Variants in ANK3 observed in about 807,000 individuals in gnomAD.
The protein encoded by ANK3 is ankyrin 3.
A neutral mutation model predicts 370.9 loss-of-function variants in ANK3; 57 were observed. The observed-to-expected ratio is 0.15, with a 90% confidence interval of 0.12 to 0.19. The LOEUF (loss-of-function observed/expected upper bound fraction) is 0.19. ANK3 is among the 10% of genes least tolerant of loss of function. The pLI is 1.00. For missense variants in ANK3, 4,439 were observed against 5,302.1 expected, an observed-to-expected ratio of 0.84 and a Z score of 5.06; for synonymous variants, 1,929 against 1,946.3, an observed-to-expected ratio of 0.99 and a Z score of 0.23.
chr10:60,315,364 G>A (rs1566514969), intron 1 of ANK3, among the ~76,000 whole-genome samples: 1 of 152,100 alleles, frequency 6.6e-6, no homozygotes. Context: ...TCACTGAGGT[G>A]TGCAAATGAA....
In ANK3 at chr10:60,340,658, C is replaced by T. The variant is rs528252120; in HGVS notation, c.114+48767G>A. On this transcript the variant is annotated intron_variant, in intron 1 of 43. Transcript: ENST00000280772. ...AACTCCTGGGCTCAAGCAATCCTCCCTCCTCAGCCTCCCAAAATGTTGGAA... is the reference window on the plus strand; with the variant it reads ...AACTCCTGGGCTCAAGCAATCCTCCTTCCTCAGCCTCCCAAAATGTTGGAA... Among the ~76,000 whole-genome samples, 15 of 152,182 alleles carry T rather than the reference C, an allele frequency of 9.9e-5. No homozygotes were observed. The East Asian group carries it at 2.1e-3, about 22-fold the overall frequency.
upstream of ANK3, among the ~76,000 whole-genome samples, chr10:60,391,549 C>T (rs535340844): frequency 1.9e-4 from 29 of 152,276 alleles, no homozygotes; most frequent in Non-Finnish European, 3.5e-4. Context: ...AACGTTCATA[C>T]AATTTCTTTT....
intron 1 of ANK3, among the ~76,000 whole-genome samples, chr10:60,677,432 T>G (rs1043735405): frequency 1.3e-5 from 2 of 152,172 alleles, no homozygotes; most frequent in Non-Finnish European, 2.9e-5. Context: ...ATTATGTCAT[T>G]TAAAAGTTTA....
chr10:60,387,452 G>GCATATGAAA (rs2062546452), intron 1 of ANK3, among the ~76,000 whole-genome samples: 1 of 151,244 alleles, frequency 6.6e-6, no homozygotes, highest in South Asian at 2.1e-4. Flanking sequence ...ATTACAAGTA[G>GCATATGAAA]TATATGAAAT....
chr10:60,193,395 G>A (rs1022500823), intron 16 of ANK3, among the ~76,000 whole-genome samples: 2 of 152,210 alleles, frequency 1.3e-5, no homozygotes, highest in African/African-American at 4.8e-5. Flanking sequence ...AGTAGCTCAT[G>A]CCTGTAATCC....
At position 60,547,754 on chromosome 10, in the gene ANK3, T is replaced by C. The variant is rs72822809; in HGVS notation, c.96+67432A>G. Among the ~76,000 whole-genome samples, 859 of 152,026 alleles carry C rather than the reference T, an allele frequency of 5.7e-3. 4 individuals are homozygous for C. The highest frequency in any genetic ancestry group is 0.01 in the Middle Eastern group (3 of 294). The stretch of plus-strand genomic sequence containing the variant: ...GGAATAGGGAGGAGAATTGCCCTTA[T>C]CAAGCAAATTAACTACATTTTTAGG... On this transcript the variant is annotated intron_variant, in intron 2 of 43. Coordinates refer to the ANK3 transcript ENST00000373827.
At chr10:60,531,370 T>C (rs2076601864) in intron 2 of ANK3, among the ~76,000 whole-genome samples, 2 of 152,124 alleles carry the variant, frequency 1.3e-5, no homozygotes, top group African/African-American at 4.8e-5. Context: ...TCAGTGTGTA[T>C]ATATTTATAT....
intron 1 of ANK3, among the ~76,000 whole-genome samples, chr10:60,364,933 AT>A (rs926040889): frequency 1.3e-5 from 2 of 150,594 alleles, no homozygotes; most frequent in Non-Finnish European, 3.0e-5. Flanking sequence ...CCTTTTGTGG[AT>A]TTTTTTTTGA....
At chr10:60,222,186 G>A (rs183176507) in intron 8 of ANK3, among the ~76,000 whole-genome samples, 1 of 152,292 alleles carries the variant, frequency 6.6e-6, no homozygotes, top group African/African-American at 2.4e-5. Flanking sequence ...TGCTGCAGGA[G>A]GGATGCCTCA....
intron 16 of ANK3, among the ~76,000 whole-genome samples, chr10:60,189,013 G>T (rs142747035): frequency 6.6e-6 from 1 of 152,146 alleles, no homozygotes; most frequent in African/African-American, 2.4e-5. Context: ...AGTGGTAAAG[G>T]CAAGATAAAC....
intron 2 of ANK3, among the ~76,000 whole-genome samples, chr10:60,550,397 G>T (rs145860258): frequency 6.1e-4 from 92 of 151,860 alleles, no homozygotes; most frequent in African/African-American, 2.1e-3. Context: ...AATTTTTCAG[G>T]TGAATATATC....
intron 23 of ANK3, among the ~76,000 whole-genome samples, chr10:60,145,736 C>T (rs746499519): frequency 3.3e-5 from 5 of 152,070 alleles, no homozygotes; most frequent in Admixed American, 6.6e-5. Flanking sequence ...TACCACAGTG[C>T]GCTGGCCATA....
chr10:60,183,315 T>A (rs1169695994), intron 17 of ANK3, among the ~76,000 whole-genome samples: 2 of 152,252 alleles, frequency 1.3e-5, no homozygotes, highest in Non-Finnish European at 2.9e-5. Flanking sequence ...ATCGTATCTT[T>A]GATTTTTATA....
At chr10:60,302,327 A>G (rs1312252290) in intron 1 of ANK3, among the ~76,000 whole-genome samples, 1 of 152,190 alleles carries the variant, frequency 6.6e-6, no homozygotes, top group Non-Finnish European at 1.5e-5. Flanking sequence ...TATACAAAAT[A>G]TTATGTTGAA....
At position 60,261,845 on chromosome 10, in the gene ANK3, T is replaced by C. The variant is rs980941977; in HGVS notation, c.798+14A>G. ...CAAATGCTTTAAAGGTATTACACAT[T>C]GCTGTGCTCTTACCCTTGCGGTGAA... On this transcript the variant is annotated intron_variant, in intron 7 of 43. Transcript: ENST00000280772. 7 of 1,610,846 alleles carry C rather than the reference T, an allele frequency of 4.3e-6. No individual in the cohort carries two copies. The highest frequency in any genetic ancestry group is 2.2e-5 in the South Asian group (2 of 90,998).
chr10:60,283,881 T>G (rs1231284731), intron 1 of ANK3, among the ~76,000 whole-genome samples: 1 of 152,182 alleles, frequency 6.6e-6, no homozygotes, highest in African/African-American at 2.4e-5. Flanking sequence ...TATTCATCAC[T>G]TAATATGTAT....
At chr10:60,227,820 T>G (rs1402534248) in intron 8 of ANK3, among the ~76,000 whole-genome samples, 4 of 152,232 alleles carry the variant, frequency 2.6e-5, no homozygotes, top group Non-Finnish European at 5.9e-5. Flanking sequence ...CATATTTATC[T>G]TAGTTATTTT....
rs139826191 is a variant in ANK3, at chr10:60,239,999, A to G, written c.799-5213T>C. 9.7e-3 allele frequency among the ~76,000 whole-genome samples: 1,092 copies of G among 112,922 alleles called. 15 individuals carry two copies. The highest frequency in any genetic ancestry group is 0.035 in the African/African-American group (1,051 of 30,354). The allele number at this position is 112,922 out of a possible 152,430, so 74.1% of individuals were successfully genotyped here. ...AATATATTGATCCAAATATATATGT[A>G]TGTGTGAATATATACACATATATAC... On this transcript the variant is annotated intron_variant, in intron 7 of 43. Coordinates refer to ENST00000280772, the MANE Select transcript of ANK3 (RefSeq NM_020987.5).
chr10:60,487,373 A>G (rs1235858507), intron 2 of ANK3, among the ~76,000 whole-genome samples: 1 of 152,224 alleles, frequency 6.6e-6, no homozygotes, highest in African/African-American at 2.4e-5. Flanking sequence ...CGTTGGCCCC[A>G]ATCTTCATTA....
Sources: allele counts gnomAD v4.1 joint callset (sites outside exome capture counted in the v4.1 genomes callset), GRCh38; gene constraint gnomAD v4.1.1; transcripts MANE v1.5; gene names NCBI Gene and HGNC (gene_info 2026-07-23, HGNC 2026-07-21).